CNTN4: variants seen among roughly 807,000 people sequenced by gnomAD.
The protein encoded by CNTN4 is contactin 4.
A neutral mutation model predicts 122.5 loss-of-function variants in CNTN4; 77 were observed. That is an observed-to-expected ratio of 0.63 (90% CI 0.52 to 0.76). The LOEUF is 0.76. Ranked by LOEUF, CNTN4 falls within the 30% of genes least tolerant of loss-of-function variation. The probability of loss-of-function intolerance (pLI) is 0.00; values close to 1 mark genes in which losing one functional copy is unlikely to be tolerated. For missense variants in CNTN4, 1,256 were observed against 1,259.1 expected (o/e 1.00, Z 0.04); for synonymous variants, 512 against 447.0 (o/e 1.15, Z -1.83).
chr3:2,965,246 C>T (rs1692186140), intron 13 of CNTN4, among the ~76,000 whole-genome samples: 1 of 152,172 alleles, frequency 6.6e-6, no homozygotes, highest in Non-Finnish European at 1.5e-5. Flanking sequence ...TCACGCTATC[C>T]AATCAATAAT....
intron 4 of CNTN4, among the ~76,000 whole-genome samples, chr3:2,674,338 A>G (rs1163515510): frequency 1.3e-5 from 2 of 152,052 alleles, no homozygotes; most frequent in African/African-American, 2.4e-5. Flanking sequence ...ATTTCTATTG[A>G]TATATATAAT....
chr3:2,217,692 G>GAA lies in CNTN4; in HGVS notation c.-145+117059_-145+117060dup, dbSNP rs1553603569. On this transcript the variant is annotated intron_variant, in intron 2 of 24. Transcript: ENST00000418658. ...GAGAAAAGCATTATAAAGAGAGAGA[G>GAA]AAAAAAATCTCTTTAACAAGGGATT... Among the ~76,000 whole-genome samples the GAA allele has an allele frequency of 1.9e-3, 286 of 151,392 alleles. 2 individuals carry two copies. Among genetic ancestry groups the GAA allele is most frequent in the East Asian group, 6.8e-3 (35 of 5,156 alleles).
chr3:2,897,905 A>G (rs902441223), intron 10 of CNTN4, among the ~76,000 whole-genome samples: 1 of 152,162 alleles, frequency 6.6e-6, no homozygotes, highest in Non-Finnish European at 1.5e-5. Flanking sequence ...ATATTAGGCG[A>G]TAAATACCCT....
At chr3:2,832,015 T>G (rs1163403962) in intron 7 of CNTN4, among the ~76,000 whole-genome samples, 1 of 152,244 alleles carries the variant, frequency 6.6e-6, no homozygotes, top group Non-Finnish European at 1.5e-5. Context: ...GAGGTAGCTA[T>G]GACAGCTCTC....
At chr3:2,335,631 A>G (rs2043925890) in intron 2 of CNTN4, among the ~76,000 whole-genome samples, 1 of 148,692 alleles carries the variant, frequency 6.7e-6, no homozygotes, top group African/African-American at 2.5e-5. Context: ...GAAATTGGGT[A>G]TCTACCTACT....
At chr3:2,407,684 G>C (rs2047088038) in intron 3 of CNTN4, among the ~76,000 whole-genome samples, 1 of 152,146 alleles carries the variant, frequency 6.6e-6, no homozygotes, top group African/African-American at 2.4e-5. Flanking sequence ...AAATAGCACT[G>C]TATGTTAAAA....
chr3:2,237,471 T>TCAAAAA (rs2039728787), intron 2 of CNTN4, among the ~76,000 whole-genome samples: 2 of 152,004 alleles, frequency 1.3e-5, no homozygotes, highest in African/African-American at 4.8e-5. Flanking sequence ...AGACACTGTC[T>TCAAAAA]CAAAAACAAA....
At chr3:2,519,790 A>G (rs1461106595) in intron 3 of CNTN4, among the ~76,000 whole-genome samples, 1 of 152,172 alleles carries the variant, frequency 6.6e-6, no homozygotes, top group African/African-American at 2.4e-5. Flanking sequence ...AAACGCATCT[A>G]TCGAATTCAT....
chr3:2,947,438 C>T (rs867660054), intron 13 of CNTN4, among the ~76,000 whole-genome samples: 1 of 152,170 alleles, frequency 6.6e-6, no homozygotes. Context: ...TACCAATGAT[C>T]ATTCAGAAGG....
At chr3:2,998,952 T>C (rs1162692607) in intron 14 of CNTN4, 3 of 152,236 alleles carry the variant, frequency 2.0e-5, no homozygotes, top group Non-Finnish European at 4.4e-5. Context: ...TTTTTTAAAA[T>C]TATGTTGTAA....
At chr3:2,395,132 T>A (rs2046594909) in intron 3 of CNTN4, among the ~76,000 whole-genome samples, 1 of 152,172 alleles carries the variant, frequency 6.6e-6, no homozygotes, top group Non-Finnish European at 1.5e-5. Flanking sequence ...GGAAAGAGCC[T>A]AGGTGTTCAT....
chr3:2,650,083 A>ATG (rs1158817406), intron 4 of CNTN4, among the ~76,000 whole-genome samples: 1 of 147,574 alleles, frequency 6.8e-6, no homozygotes, highest in East Asian at 1.9e-4. Flanking sequence ...ATAAATATAT[A>ATG]TATATATATA....
rs11397937 is a variant in CNTN4 at position 2,149,967 on chromosome 3, CTT to C, written c.-145+49341_-145+49342del. Among the ~76,000 whole-genome samples the C allele has an allele frequency of 1.7e-3, 237 of 143,122 alleles. 1 individual carries two copies. The highest frequency in any genetic ancestry group is 5.9e-3 in the African/African-American group (229 of 39,058). 93.9% of individuals were successfully genotyped at this position (143,122 alleles called of 152,430 possible). ...TCAACAGGGAATGGGGTGGGCATAG[CTT>C]TTTTTTTTTTTTCTGTATTATATCA... On this transcript the variant is annotated intron_variant, in intron 2 of 24. Coordinates refer to ENST00000418658, the MANE Select transcript of CNTN4 (RefSeq NM_175607.3).
At chr3:2,939,368 GGT>G (rs935903819) in intron 13 of CNTN4, among the ~76,000 whole-genome samples, 3 of 151,792 alleles carry the variant, frequency 2.0e-5, no homozygotes, top group African/African-American at 7.3e-5. Context: ...GGTGTGTGTG[GGT>G]GTGTGTGGGG....
chr3:2,880,279 G>T (rs1330053463), intron 8 of CNTN4, among the ~76,000 whole-genome samples: 1 of 152,164 alleles, frequency 6.6e-6, no homozygotes, highest in Non-Finnish European at 1.5e-5. Context: ...TAACCTTATT[G>T]TCTCATCTCC....
intron 3 of CNTN4, among the ~76,000 whole-genome samples, chr3:2,530,971 A>C (rs2077575921): frequency 6.6e-6 from 1 of 152,156 alleles, no homozygotes; most frequent in Non-Finnish European, 1.5e-5. Flanking sequence ...CAGTTGTGTT[A>C]ATTTGGCAGT....
At chr3:2,653,599 A>T (rs1374838466) in intron 4 of CNTN4, among the ~76,000 whole-genome samples, 3 of 152,112 alleles carry the variant, frequency 2.0e-5, no homozygotes, top group African/African-American at 7.2e-5. Flanking sequence ...TAGTCATTTT[A>T]GTCAGAAATA....
intron 2 of CNTN4, among the ~76,000 whole-genome samples, chr3:2,239,974 T>G (rs2039866972): frequency 6.6e-6 from 1 of 152,210 alleles, no homozygotes; most frequent in African/African-American, 2.4e-5. Context: ...TGTATCTGAT[T>G]TCTCTCTTCC....
chr3:2,959,401 G>A (rs13072813), intron 13 of CNTN4, among the ~76,000 whole-genome samples: 23,349 of 151,960 alleles, frequency 0.15, 2,083 homozygotes, highest in East Asian at 0.41. Context: ...ATTTCAGTAT[G>A]ATAAGACCAT....
Sources: allele counts gnomAD v4.1 joint callset (sites outside exome capture counted in the v4.1 genomes callset), GRCh38; gene constraint gnomAD v4.1.1; transcripts MANE v1.5; gene names NCBI Gene and HGNC (gene_info 2026-07-23, HGNC 2026-07-21).